The following SAMHD1 variants were observed in gnomAD, a reference collection of about 807,000 sequenced individuals.
SAMHD1 encodes SAM and HD domain containing deoxynucleoside triphosphate triphosphohydrolase 1.
In SAMHD1, 54 loss-of-function variants were observed where a neutral mutation model predicts 79.6. The observed-to-expected ratio is 0.68, with a 90% confidence interval of 0.55 to 0.85. The LOEUF (loss-of-function observed/expected upper bound fraction) is 0.85, where lower values mean the gene tolerates loss of function less well. Ranked by LOEUF, SAMHD1 falls within the 40% of genes least tolerant of loss-of-function variation. The pLI is 0.00. For synonymous variants in SAMHD1, 260 were observed against 264.1 expected (o/e 0.98, Z 0.15); for missense variants, 663 against 782.7 (o/e 0.85, Z 1.82).
intron 5 of SAMHD1, among the ~76,000 whole-genome samples, chr20:36,929,598 G>A (rs1390955952): frequency 1.3e-5 from 2 of 151,978 alleles, no homozygotes; most frequent in African/African-American, 2.4e-5. Context: ...TTAGCCAGGC[G>A]CTACTCGGGA....
At chr20:36,912,336 C>T in intron 10 of SAMHD1, 125 bp downstream of exon 10, 1 of 685,470 alleles carries the variant, frequency 1.5e-6, no homozygotes. Context: ...TTAAGGAAAC[C>T]ATTTTCAATT....
At chr20:36,948,887 GAAAAAAA>G (rs2063713496) in intron 1 of SAMHD1, among the ~76,000 whole-genome samples, 3 of 18,678 alleles carry the variant, frequency 1.6e-4, no homozygotes, top group African/African-American at 1.1e-3. Context: ...AAAAAGAAAA[GAAAAAAA>G]GAAAAGAAAA....
At chr20:36,944,748 G>T (rs1172766474) in intron 2 of SAMHD1, among the ~76,000 whole-genome samples, 2 of 152,044 alleles carry the variant, frequency 1.3e-5, no homozygotes, top group African/African-American at 4.8e-5. Flanking sequence ...TACAAAATTA[G>T]CTGGGCATGG....
chr20:36,918,868 G>T (rs988403502), intron 7 of SAMHD1, among the ~76,000 whole-genome samples: 10 of 151,310 alleles, frequency 6.6e-5, no homozygotes, highest in Admixed American at 1.3e-4. Context: ...AAGCACAGTG[G>T]CTCACACCTG....
At chr20:36,911,976 G>A (rs1293112129) in intron 10 of SAMHD1, 2 of 192,060 alleles carry the variant, frequency 1.0e-5, no homozygotes, top group Non-Finnish European at 2.2e-5. Context: ...GGTTCTGACT[G>A]GGTCAGGAAG....
intron 15 of SAMHD1, among the ~76,000 whole-genome samples, chr20:36,896,848 A>C (rs1990207349): frequency 7.0e-6 from 1 of 142,462 alleles, no homozygotes; most frequent in Non-Finnish European, 1.5e-5. Context: ...AAAATGAATG[A>C]ATTAATTAAT....
At chr20:36,924,430 AAAAAG>A (rs1410786137) in intron 6 of SAMHD1, among the ~76,000 whole-genome samples, 2 of 152,154 alleles carry the variant, frequency 1.3e-5, no homozygotes, top group Admixed American at 6.6e-5. Context: ...GAAAAGAAAA[AAAAAG>A]AAAAGAGCAT....
At chr20:36,904,082 G>A in intron 13 of SAMHD1, 75 bp downstream of exon 13, 2 of 1,007,084 alleles carry the variant, frequency 2.0e-6, no homozygotes, top group Admixed American at 1.7e-5. Context: ...AAATGAACAT[G>A]TACTACTTTT....
chr20:36,918,820 A>G (rs895597133), intron 7 of SAMHD1, among the ~76,000 whole-genome samples: 5 of 150,098 alleles, frequency 3.3e-5, no homozygotes, highest in South Asian at 2.1e-4. Flanking sequence ...AAAAAAAAAA[A>G]AAAAGAAAGA....
rs1043178984 is a variant in SAMHD1 at position 36,904,172 on chromosome 20, T to G, written c.1488A>C (p.Glu496Asp). The change falls in exon 13 of 16, where the codon GAA (glutamate) becomes GAC (aspartate). Residue 496 changes from glutamate (E) to aspartate (D), a missense_variant. Physicochemically the swap from Glu to Asp is conservative, Grantham distance 45. Coordinates refer to ENST00000646673, the MANE Select transcript of SAMHD1 (RefSeq NM_015474.4). Reference protein sequence around the residue: ...KVLLDVKLKAEDFIVDVINMD... With the variant: ...KVLLDVKLKADDFIVDVINMD... ...AATTACTTACATCCACTATAAAATC[T>G]TCAGCCTTCAGTTTCACGTCTAGCA... The G allele has an allele frequency of 6.2e-7, 1 of 1,611,852 alleles. No individual in the cohort carries two copies. Among genetic ancestry groups the G allele is most frequent in the African/African-American group, 1.3e-5 (1 of 74,860 alleles).
chr20:36,901,478 A>G (rs1216236613), intron 13 of SAMHD1, among the ~76,000 whole-genome samples: 5 of 152,164 alleles, frequency 3.3e-5, no homozygotes, highest in African/African-American at 7.2e-5. Flanking sequence ...GCTCATGCCT[A>G]TAATCCCAGC....
chr20:36,916,542 G>A, intron 9 of SAMHD1, 180 bp downstream of exon 9: 1 of 587,172 alleles, frequency 1.7e-6, no homozygotes, highest in Non-Finnish European at 3.0e-6. Context: ...AAATGTCCAT[G>A]TTAATTTTAT....
chr20:36,911,568 C>A (rs1004948821), intron 10 of SAMHD1: 1 of 478,700 alleles, frequency 2.1e-6, no homozygotes, highest in Non-Finnish European at 3.8e-6. Context: ...TTATTCCTCC[C>A]AACAATAAGG....
intron 11 of SAMHD1, among the ~76,000 whole-genome samples, chr20:36,907,390 A>G (rs1251423823): frequency 6.6e-6 from 1 of 152,072 alleles, no homozygotes; most frequent in Non-Finnish European, 1.5e-5. Context: ...CCTCCTGAGT[A>G]ACTGGGACTA....
At chr20:36,924,334 AAAGG>A (rs1006326598) in intron 6 of SAMHD1, among the ~76,000 whole-genome samples, 17 of 151,278 alleles carry the variant, frequency 1.1e-4, no homozygotes, top group East Asian at 5.8e-4. Context: ...GAAAGGAAGG[AAAGG>A]AAGGAAGGAA....
Position 36,913,028 on chromosome 20 carries a change from G to A in SAMHD1, c.1063-476C>T, listed in dbSNP as rs371152009. On this transcript the variant is annotated intron_variant, in intron 9 of 15. Coordinates refer to ENST00000646673, the MANE Select transcript of SAMHD1 (RefSeq NM_015474.4). ...TTTTTTTTTTTTGAGATGGAGTCTC[G>A]CTCTGTTGCCCAGGCTGGAGTGCAG... 4.6e-5 allele frequency among the ~76,000 whole-genome samples: 6 copies of A among 131,196 alleles called. No individual in the cohort carries two copies. The East Asian group carries it at 1.3e-3, about 28-fold the overall frequency. The allele number at this position is 131,196 out of a possible 152,430, so 86.1% of individuals were successfully genotyped here.
At chr20:36,949,755 C>CAAAAAA (rs34682795) in intron 1 of SAMHD1, among the ~76,000 whole-genome samples, 5 of 69,824 alleles carry the variant, frequency 7.2e-5, no homozygotes, top group East Asian at 9.3e-4. Context: ...GACTCTGTCT[C>CAAAAAA]AAAAAAAAAA....
At chr20:36,896,165 G>C (rs1418876492) in intron 15 of SAMHD1, among the ~76,000 whole-genome samples, 2 of 151,886 alleles carry the variant, frequency 1.3e-5, no homozygotes, top group Non-Finnish European at 2.9e-5. Flanking sequence ...GTAGAGACGG[G>C]GTTTCACAGT....
chr20:36,946,844 T>C (rs188460266), intron 1 of SAMHD1, 40 bp from the exon 2 acceptor site: 8 of 1,493,360 alleles, frequency 5.4e-6, no homozygotes, highest in Non-Finnish European at 7.4e-6. Context: ...ATACAACATA[T>C]GCTTTTCATT....
Sources: gnomAD v4.1 joint callset for allele counts (sites outside exome capture counted in the v4.1 genomes callset) on GRCh38, gnomAD v4.1.1 for gene constraint, MANE v1.5 for transcripts, NCBI Gene and HGNC (gene_info 2026-07-23, HGNC 2026-07-21) for gene names.